RACGAP1: variants seen among roughly 807,000 people sequenced by gnomAD.
RACGAP1 encodes rac GTPase-activating protein 1.
Under a neutral mutation model 78.1 loss-of-function variants are expected in RACGAP1, and 30 were observed. That is an observed-to-expected ratio of 0.38 (90% confidence interval 0.29 to 0.52). The LOEUF is 0.52. RACGAP1 is among the 20% of genes least tolerant of loss of function. The pLI is 0.82. For synonymous variants in RACGAP1, 231 were observed against 264.8 expected, an observed-to-expected ratio of 0.87 and a Z score of 1.24; for missense variants, 587 against 777.1, an observed-to-expected ratio of 0.76 and a Z score of 2.91.
intron 7 of RACGAP1, among the ~76,000 whole-genome samples, chr12:50,000,566 G>A (rs893588303): frequency 2.0e-5 from 3 of 152,056 alleles, no homozygotes; most frequent in Admixed American, 6.5e-5. Flanking sequence ...CCCGCAGTTC[G>A]AGTCATCCTG....
At chr12:50,010,889 G>A (rs992249267) in intron 2 of RACGAP1, among the ~76,000 whole-genome samples, 9 of 149,704 alleles carry the variant, frequency 6.0e-5, no homozygotes, top group Non-Finnish European at 8.9e-5. Flanking sequence ...CCGAGATCTC[G>A]CCATTGCACT....
In RACGAP1 at chr12:49,996,656, AAAAAAAAAAAAAT is replaced by A. The variant is rs1219738289; in HGVS notation, c.1044+371_1044+383del. On this transcript the variant is annotated intron_variant, in intron 10 of 16. Transcript: ENST00000312377. ...AAAAAAAAAAAAAAAAAAAAAAAAA[AAAAAAAAAAAAAT>A]GGACACAAGTTAGTAATCATGGAAG... 1.1e-3 allele frequency among the ~76,000 whole-genome samples: 164 copies of A among 142,628 alleles called. 2 individuals carry two copies. The highest frequency in any genetic ancestry group is 4.4e-3 in the African/African-American group (159 of 36,464). The allele number at this position is 142,628 out of a possible 152,430, so 93.6% of individuals were successfully genotyped here.
intron 15 of RACGAP1, among the ~76,000 whole-genome samples, chr12:49,991,220 T>C (rs917220379): frequency 7.9e-5 from 12 of 151,928 alleles, no homozygotes; most frequent in Admixed American, 6.6e-4. Flanking sequence ...ATCAAGTTGG[T>C]AAAACATACC....
chr12:49,989,274 G>C lies in RACGAP1; in HGVS notation c.*994C>G, dbSNP rs1236898861. 5 of 152,124 alleles carry C rather than the reference G, an allele frequency of 3.3e-5. No homozygotes were observed. The allele number at this position is 152,124 out of a possible 1,614,324, so 9.4% of individuals were successfully genotyped here. ...TCTACAGAAGAAAATCGTTTTTACA[G>C]ACATTAAGAATAATTTTAACAGAAG... is the stretch of plus-strand genomic sequence containing the variant. On this transcript the variant is annotated 3_prime_UTR_variant, in exon 17 of 17. Coordinates refer to ENST00000312377, the MANE Select transcript of RACGAP1 (RefSeq NM_001319999.2).
chr12:50,013,117 GAGA>G (rs1437839936), intron 2 of RACGAP1, among the ~76,000 whole-genome samples: 1 of 152,106 alleles, frequency 6.6e-6, no homozygotes, highest in African/African-American at 2.4e-5. Context: ...TAGAGATCTG[GAGA>G]AGGAGGTAAA....
chr12:49,995,504 T>G (rs1216738479), intron 10 of RACGAP1, among the ~76,000 whole-genome samples: 1 of 152,148 alleles, frequency 6.6e-6, no homozygotes, highest in East Asian at 1.9e-4. Flanking sequence ...TAATTTTTTT[T>G]TTTTTTGAGA....
intron 10 of RACGAP1, among the ~76,000 whole-genome samples, chr12:49,994,964 T>G (rs946933570): frequency 1.3e-5 from 2 of 152,160 alleles, no homozygotes; most frequent in African/African-American, 4.8e-5. Context: ...AAAAAATTAT[T>G]TAACATATCT....
At chr12:50,006,723 G>T in intron 2 of RACGAP1, 87 bp from the exon 3 acceptor site, 1 of 1,336,930 alleles carries the variant, frequency 7.5e-7, no homozygotes, top group Non-Finnish European at 1.0e-6. Context: ...AGCTTTATTT[G>T]AAATTCATAA....
chr12:50,016,546 A>C (rs1254537544), intron 2 of RACGAP1, 85 bp downstream of exon 2: 18 of 1,408,392 alleles, frequency 1.3e-5, no homozygotes, highest in Non-Finnish European at 1.8e-5. Flanking sequence ...AAACAACTTT[A>C]AGATTGGAAA....
chr12:50,014,885 A>G (rs1418279552), intron 2 of RACGAP1, among the ~76,000 whole-genome samples: 7 of 152,018 alleles, frequency 4.6e-5, no homozygotes, highest in Admixed American at 2.0e-4. Flanking sequence ...TCTACTAAAA[A>G]TACAAAAATT....
chr12:49,991,494 T>A (rs1411220932), intron 15 of RACGAP1, among the ~76,000 whole-genome samples: 123 of 101,034 alleles, frequency 1.2e-3, no homozygotes, highest in Non-Finnish European at 6.3e-4. Flanking sequence ...TTTTTTTTTT[T>A]TTTTTTTTTT....
rs1337984875 is a variant in RACGAP1, at chr12:49,994,455, C to A, written c.1099G>T (p.Val367Leu). The A allele has an allele frequency of 1.2e-6, 2 of 1,614,040 alleles. No individual in the cohort carries two copies. Among genetic ancestry groups the A allele is most frequent in the Non-Finnish European group, 1.7e-6 (2 of 1,180,010 alleles). Residue 367 changes from valine (V) to leucine (L), a missense_variant, in exon 11 of 17, where the codon GTG becomes TTG. By Grantham distance (32) the Val-to-Leu change is conservative. Transcript: ENST00000312377. Reference sequence around the variant, plus strand: ...TGCTCAATCTCATTTACACAATGCACAACAATGGAGGGGATCATTGGAGAA... The same window carrying A: ...TGCTCAATCTCATTTACACAATGCAAAACAATGGAGGGGATCATTGGAGAA... ...QTSPMIPSIV[V>L]HCVNEIEQRG...
chr12:49,996,765 A>G (rs1948315541), intron 10 of RACGAP1, among the ~76,000 whole-genome samples: 1 of 150,150 alleles, frequency 6.7e-6, no homozygotes, highest in Non-Finnish European at 1.5e-5. Context: ...ATTTTCCAAA[A>G]TGGGATGAAG....
Position 49,997,793 on chromosome 12 carries a change from G to C in RACGAP1, c.880-589C>G, listed in dbSNP as rs533168288. Among the ~76,000 whole-genome samples the C allele has an allele frequency of 1.2e-3, 184 of 150,442 alleles. 2 individuals carry two copies. Among genetic ancestry groups the C allele is most frequent in the South Asian group, 8.7e-3 (41 of 4,738 alleles). On this transcript the variant is annotated intron_variant, in intron 9 of 16. Coordinates refer to ENST00000312377, the MANE Select transcript of RACGAP1 (RefSeq NM_001319999.2). ...GGGTTTCTCCATGTTGGTCAGGCTG[G>C]TCTCGAACTCCCGACCTCAGGTGAT...
chr12:49,994,902 G>A (rs1294834826), intron 10 of RACGAP1, among the ~76,000 whole-genome samples: 1 of 151,922 alleles, frequency 6.6e-6, no homozygotes, highest in Non-Finnish European at 1.5e-5. Context: ...TCTAACAGAA[G>A]AAAGCTGGAA....
chr12:49,994,236 C>T lies in RACGAP1; in HGVS notation c.1234G>A (p.Val412Met), dbSNP rs1213048503. The T allele has an allele frequency of 6.2e-7, 1 of 1,614,034 alleles. No individual in the cohort carries two copies. The highest frequency in any genetic ancestry group is 1.3e-5 in the African/African-American group (1 of 74,926). ...CTACAGATAGCATGGATATCATCCA[C>T]TTTGCTGAGGAGGGGTACAGTTTTC... ...RVKTVPLLSK[V>M]DDIHAICSLL... The change falls in exon 12 of 17, where the codon GTG becomes ATG. Residue 412 changes from valine to methionine, a missense_variant. Coordinates refer to ENST00000312377, the MANE Select transcript of RACGAP1 (RefSeq NM_001319999.2).
intron 1 of RACGAP1, among the ~76,000 whole-genome samples, chr12:50,022,906 T>C (rs1950085360): frequency 6.6e-6 from 1 of 152,260 alleles, no homozygotes; most frequent in Non-Finnish European, 1.5e-5. Context: ...TGCTGCTTTC[T>C]CAGTGAGGTC....
intron 1 of RACGAP1, chr12:50,021,235 T>TTTTACAGCTGC: frequency 9.5e-6 from 5 of 528,830 alleles, no homozygotes; most frequent in African/African-American, 2.1e-5. Context: ...TTTGCAGCTG[T>TTTTACAGCTGC]AAAACAGCTG....
Position 50,016,738 on chromosome 12 carries a change from T to C in RACGAP1, c.-4-19A>G, listed in dbSNP as rs7965151. The C allele has an allele frequency of 0.012, 19,119 of 1,611,266 alleles. 2,017 individuals carry two copies. The African/African-American group carries it at 0.23, about 19-fold the overall frequency. ...CATCTTTCTGCCAAGAAATCAAATA[T>C]ACATTAGGGGTCCTGCCTTCTCGCC... On this transcript the variant is annotated intron_variant, in intron 1 of 16. Coordinates refer to ENST00000312377, the MANE Select transcript of RACGAP1 (RefSeq NM_001319999.2).
Sources: gnomAD v4.1 joint callset for allele counts (sites outside exome capture counted in the v4.1 genomes callset) on GRCh38, gnomAD v4.1.1 for gene constraint, MANE v1.5 for transcripts, NCBI Gene and HGNC (gene_info 2026-07-23, HGNC 2026-07-21) for gene names.